CEP128: variants seen among roughly 807,000 people sequenced by gnomAD.
CEP128 encodes the protein centrosomal protein 128kDa.
Under a neutral mutation model 156.7 loss-of-function variants are expected in CEP128, and 132 were observed. That is an observed-to-expected ratio of 0.84 (90% CI 0.73 to 0.97). CEP128 has a LOEUF of 0.97. Ranked by LOEUF, CEP128 falls within the 50% of genes least tolerant of loss-of-function variation. CEP128 has a pLI of 0.00. For missense variants in CEP128, 1,252 were observed against 1,281.9 expected (o/e 0.98, Z 0.36); for synonymous variants, 469 against 448.9 (o/e 1.04, Z -0.57).
chr14:80,948,906 C>A (rs114302783), intron 2 of CEP128, among the ~76,000 whole-genome samples: 1 of 152,212 alleles, frequency 6.6e-6, no homozygotes, highest in African/African-American at 2.4e-5. Flanking sequence ...CATGGTTAGC[C>A]CTAAGGCATG....
At chr14:80,544,356 C>G (rs1039134473) in intron 21 of CEP128, among the ~76,000 whole-genome samples, 3 of 152,156 alleles carry the variant, frequency 2.0e-5, no homozygotes, top group African/African-American at 7.2e-5. Flanking sequence ...TCTCACAATT[C>G]TGGAGGCTGG....
At chr14:80,877,792 A>G (rs1261679766) in intron 8 of CEP128, among the ~76,000 whole-genome samples, 1 of 152,142 alleles carries the variant, frequency 6.6e-6, no homozygotes, top group Admixed American at 6.5e-5. Flanking sequence ...ACCAAGCTGA[A>G]GGGATGCCCC....
At position 80,497,457 on chromosome 14, in the gene CEP128, A is replaced by G; in HGVS notation, c.*22T>C. 3 of 1,497,814 alleles carry G rather than the reference A, an allele frequency of 2.0e-6. No homozygotes were observed. Among genetic ancestry groups the G allele is most frequent in the Non-Finnish European group, 2.8e-6 (3 of 1,078,264 alleles). 92.8% of individuals were successfully genotyped at this position (1,497,814 alleles called of 1,614,324 possible). ...ATTATTTGTAACATACTCATGTAAAATAACAAATTACATTTGCTTTTTTAG... is the reference window on the plus strand; with the variant it reads ...ATTATTTGTAACATACTCATGTAAAGTAACAAATTACATTTGCTTTTTTAG... On this transcript the variant is annotated 3_prime_UTR_variant, in exon 25 of 25. Transcript: ENST00000555265.
chr14:80,754,988 T>C (rs1305005146), intron 18 of CEP128, among the ~76,000 whole-genome samples: 1 of 152,164 alleles, frequency 6.6e-6, no homozygotes, highest in Admixed American at 6.5e-5. Flanking sequence ...ATACAAAGTA[T>C]TGAGCCTGGG....
downstream of CEP128, among the ~76,000 whole-genome samples, chr14:80,488,694 T>C (rs1887227127): frequency 6.6e-6 from 1 of 152,152 alleles, no homozygotes. Flanking sequence ...CGTATGTTTA[T>C]TGCGGCACTA....
intron 19 of CEP128, 37 bp downstream of exon 19, chr14:80,743,038 A>T (rs769886002): frequency 1.8e-5 from 28 of 1,590,184 alleles, no homozygotes; most frequent in Non-Finnish European, 2.6e-6. Context: ...TTCCATAAAT[A>T]TAAACAAAGA....
At chr14:80,591,415 G>A (rs1194349381) in intron 19 of CEP128, among the ~76,000 whole-genome samples, 1 of 151,824 alleles carries the variant, frequency 6.6e-6, no homozygotes, top group Non-Finnish European at 1.5e-5. Flanking sequence ...ACAAAGAAGG[G>A]CATTACATAA....
At chr14:80,585,787 C>A (rs1891794528) in intron 19 of CEP128, among the ~76,000 whole-genome samples, 1 of 152,156 alleles carries the variant, frequency 6.6e-6, no homozygotes, top group South Asian at 2.1e-4. Context: ...AATGCAAATT[C>A]TCAAAATAAT....
At chr14:80,707,901 ATTAACT>A (rs1301195383) in intron 19 of CEP128, among the ~76,000 whole-genome samples, 9 of 152,192 alleles carry the variant, frequency 5.9e-5, no homozygotes, top group Non-Finnish European at 1.2e-4. Context: ...TCTGTTCAAC[ATTAACT>A]TTGTTTGAAA....
At chr14:80,816,699 A>G (rs1884879139) in intron 13 of CEP128, among the ~76,000 whole-genome samples, 1 of 152,226 alleles carries the variant, frequency 6.6e-6, no homozygotes, top group Admixed American at 6.5e-5. Flanking sequence ...GGAACAAGGC[A>G]TGAGGAAATT....
intron 19 of CEP128, among the ~76,000 whole-genome samples, chr14:80,728,764 G>C (rs548839919): frequency 6.6e-6 from 1 of 152,228 alleles, no homozygotes; most frequent in Non-Finnish European, 1.5e-5. Context: ...CCAAAAAAGT[G>C]ATCATTTGTA....
In CEP128 at chr14:80,579,825, A is replaced by G. The variant is rs147710634; in HGVS notation, c.2856+549T>C. 1.2e-3 allele frequency among the ~76,000 whole-genome samples: 180 copies of G among 152,342 alleles called. 4 individuals carry two copies. In the Middle Eastern group the frequency reaches 0.024, roughly 20 times the overall value. ...AAGAGAGAACTTCTGTCAGATGCCA[A>G]CTTCACATCCATTGCTCATATCACA... On this transcript the variant is annotated intron_variant, in intron 20 of 24. Transcript: ENST00000555265.
At chr14:80,810,862 G>T (rs1884493586) in intron 13 of CEP128, among the ~76,000 whole-genome samples, 1 of 152,124 alleles carries the variant, frequency 6.6e-6, no homozygotes, top group South Asian at 2.1e-4. Context: ...GTGCCATGGT[G>T]GTTTGCTGCA....
At chr14:80,548,997 GC>G (rs1213144204) in intron 21 of CEP128, among the ~76,000 whole-genome samples, 9 of 152,116 alleles carry the variant, frequency 5.9e-5, no homozygotes, top group Non-Finnish European at 4.4e-5. Flanking sequence ...CACTTTTTTA[GC>G]AGTATTTTCT....
At chr14:80,498,459 A>G (rs1887592156) in intron 24 of CEP128, among the ~76,000 whole-genome samples, 1 of 152,142 alleles carries the variant, frequency 6.6e-6, no homozygotes, top group Non-Finnish European at 1.5e-5. Context: ...AAATCCACAC[A>G]TCTGACTGTG....
At chr14:80,649,185 G>A (rs986926881) in intron 19 of CEP128, among the ~76,000 whole-genome samples, 3 of 151,980 alleles carry the variant, frequency 2.0e-5, no homozygotes, top group Non-Finnish European at 4.4e-5. Context: ...AATGTGGTGC[G>A]CTCCAAAAGC....
At chr14:80,564,627 A>G (rs1001902643) in intron 20 of CEP128, among the ~76,000 whole-genome samples, 3 of 152,216 alleles carry the variant, frequency 2.0e-5, no homozygotes, top group African/African-American at 7.2e-5. Context: ...TCCTGGGTGT[A>G]GGCTGAACTA....
intron 19 of CEP128, among the ~76,000 whole-genome samples, chr14:80,738,527 T>TC (rs1211912156): frequency 6.6e-6 from 1 of 152,020 alleles, no homozygotes; most frequent in Admixed American, 6.6e-5. Flanking sequence ...TACAGTAGTC[T>TC]CCCCCCTATT....
intron 16 of CEP128, among the ~76,000 whole-genome samples, chr14:80,775,012 T>C (rs145650476): frequency 1.3e-5 from 2 of 152,336 alleles, no homozygotes; most frequent in East Asian, 1.9e-4. Context: ...AGTCATTCCA[T>C]ATATGCCAAT....
Sources: gnomAD v4.1 joint callset for allele counts (sites outside exome capture counted in the v4.1 genomes callset) on GRCh38, gnomAD v4.1.1 for gene constraint, MANE v1.5 for transcripts, NCBI Gene and HGNC (gene_info 2026-07-23, HGNC 2026-07-21) for gene names.